CNTN3: variants seen among roughly 807,000 people sequenced by gnomAD.
CNTN3 encodes contactin-3.
CNTN3 carries 60 observed loss-of-function variants against 119.1 expected under a neutral mutation model. The observed-to-expected ratio is 0.50, with a 90% CI of 0.41 to 0.62. The LOEUF is 0.62. Among genes scored for constraint, CNTN3 ranks in the 20% least tolerant of loss-of-function variants. CNTN3 has a pLI of 0.00. For synonymous variants in CNTN3, 450 were observed against 438.7 expected, an observed-to-expected ratio of 1.03 and a Z score of -0.32; for missense variants, 1,101 against 1,242.4, an observed-to-expected ratio of 0.89 and a Z score of 1.71.
chr3:74,288,029 C>G (rs958241047), intron 19 of CNTN3, among the ~76,000 whole-genome samples: 9 of 152,098 alleles, frequency 5.9e-5, no homozygotes, highest in Admixed American at 2.0e-4. Context: ...TCAACTTGTG[C>G]TACAGTGAAT....
At chr3:74,315,034 T>C (rs1227473891) in intron 13 of CNTN3, among the ~76,000 whole-genome samples, 3 of 152,188 alleles carry the variant, frequency 2.0e-5, no homozygotes, top group Non-Finnish European at 4.4e-5. Context: ...AGCTGAAACC[T>C]ATCAAAATCA....
At chr3:74,471,154 A>G (rs1007168897) in intron 4 of CNTN3, among the ~76,000 whole-genome samples, 2 of 152,150 alleles carry the variant, frequency 1.3e-5, no homozygotes, top group African/African-American at 4.8e-5. Flanking sequence ...CTGGGATTAC[A>G]TGGACACAGG....
intron 3 of CNTN3, among the ~76,000 whole-genome samples, chr3:74,494,112 C>T (rs1042039496): frequency 6.6e-6 from 1 of 152,048 alleles, no homozygotes; most frequent in African/African-American, 2.4e-5. Context: ...CTTAGCTTTT[C>T]CTGGTAGCAG....
intron 5 of CNTN3, among the ~76,000 whole-genome samples, chr3:74,410,360 G>A (rs969268045): frequency 6.6e-6 from 1 of 152,088 alleles, no homozygotes; most frequent in African/African-American, 2.4e-5. Context: ...AGAGCCACAG[G>A]AAAAACAAAA....
intron 14 of CNTN3, 88 bp from the exon 15 acceptor site, chr3:74,301,893 C>T: frequency 1.4e-6 from 2 of 1,405,654 alleles, no homozygotes; most frequent in South Asian, 1.3e-5. Context: ...CACATGACCA[C>T]TTCAATATCT....
In CNTN3 at chr3:74,389,284, A is replaced by C. The variant is rs962279679; in HGVS notation, c.455-17885T>G. ...AAGTCATTTTAACACATTGCTCAAT[A>C]GGTAAGAGCTTTCTAGTTACATAAG... On this transcript the variant is annotated intron_variant, in intron 5 of 22. Coordinates refer to ENST00000263665, the MANE Select transcript of CNTN3 (RefSeq NM_020872.3). 2.6e-5 allele frequency among the ~76,000 whole-genome samples: 4 copies of C among 152,310 alleles called. 1 individual carries two copies. Among genetic ancestry groups the C allele is most frequent in the African/African-American group, 9.6e-5 (4 of 41,564 alleles).
intron 5 of CNTN3, among the ~76,000 whole-genome samples, chr3:74,400,639 C>T (rs1705166926): frequency 6.6e-6 from 1 of 152,082 alleles, no homozygotes; most frequent in South Asian, 2.1e-4. Context: ...TGACAAAGCC[C>T]TTTCTAGTTG....
chr3:74,508,243 G>C (rs1166863290), intron 2 of CNTN3, among the ~76,000 whole-genome samples: 1 of 152,098 alleles, frequency 6.6e-6, no homozygotes, highest in Non-Finnish European at 1.5e-5. Flanking sequence ...TCTCCTTCCT[G>C]ACACCGTGTG....
intron 5 of CNTN3, among the ~76,000 whole-genome samples, chr3:74,395,922 T>G (rs537448636): frequency 5.9e-5 from 9 of 152,220 alleles, no homozygotes; most frequent in Non-Finnish European, 8.8e-5. Context: ...TCTGTCATGA[T>G]AATCTGTTAT....
chr3:74,381,153 T>A (rs915320282), intron 5 of CNTN3, among the ~76,000 whole-genome samples: 4 of 150,042 alleles, frequency 2.7e-5, no homozygotes, highest in African/African-American at 9.8e-5. Flanking sequence ...TAGTAGCACA[T>A]CAAACTATTC....
intron 4 of CNTN3, among the ~76,000 whole-genome samples, chr3:74,464,188 T>C (rs1046442592): frequency 2.0e-5 from 3 of 152,164 alleles, no homozygotes; most frequent in African/African-American, 4.8e-5. Flanking sequence ...GATAACTATA[T>C]AAAAGCTTTC....
At chr3:74,454,369 TC>T (rs1437741419) in intron 4 of CNTN3, among the ~76,000 whole-genome samples, 1 of 146,798 alleles carries the variant, frequency 6.8e-6, no homozygotes, top group Non-Finnish European at 1.5e-5. Context: ...GCTTGGTAGA[TC>T]TTCCTCCATC....
chr3:74,313,445 A>G (rs1333552801), intron 13 of CNTN3, among the ~76,000 whole-genome samples: 1 of 151,782 alleles, frequency 6.6e-6, no homozygotes, highest in Non-Finnish European at 1.5e-5. Flanking sequence ...TGAAAGATTA[A>G]AAAAAAAATT....
chr3:74,266,660 T>C lies in CNTN3; in HGVS notation c.2818-11A>G. ...AGTCCTATAGAAAACCTAAAATGCA[T>C]GAACAAATACACTTACTTGTTATAT... On this transcript the variant is annotated splice_polypyrimidine_tract_variant and intron_variant, in intron 21 of 22. Transcript: ENST00000263665. 2 of 1,611,748 alleles carry C rather than the reference T, an allele frequency of 1.2e-6. No homozygotes were observed. The highest frequency in any genetic ancestry group is 1.7e-6 in the Non-Finnish European group (2 of 1,178,348).
chr3:74,294,568 A>T (rs1702297702), intron 19 of CNTN3, among the ~76,000 whole-genome samples: 2 of 152,128 alleles, frequency 1.3e-5, no homozygotes, highest in Admixed American at 6.5e-5. Flanking sequence ...ATCCTTCTTG[A>T]CAACACAAAC....
rs1281513512 is a variant in CNTN3, at chr3:74,263,906, T to C, written c.*495A>G. ...GTAGCATTTTCCAACAATGCTCTTT[T>C]GAATCACATGCCACTCCTCTCCAAC... On this transcript the variant is annotated 3_prime_UTR_variant, in exon 23 of 23. Coordinates refer to ENST00000263665, the MANE Select transcript of CNTN3 (RefSeq NM_020872.3). 6.6e-6 allele frequency: 1 copy of C among 152,146 alleles called. No individual in the cohort carries two copies. The highest frequency in any genetic ancestry group is 1.5e-5 in the Non-Finnish European group (1 of 68,022). 9.4% of individuals were successfully genotyped at this position (152,146 alleles called of 1,614,324 possible).
At chr3:74,398,561 G>A (rs2106844279) in intron 5 of CNTN3, among the ~76,000 whole-genome samples, 1 of 152,308 alleles carries the variant, frequency 6.6e-6, no homozygotes, top group South Asian at 2.1e-4. Context: ...TTATTGAGGT[G>A]GTGTAGATGG....
At chr3:74,471,694 T>C (rs555983410) in intron 4 of CNTN3, among the ~76,000 whole-genome samples, 1 of 152,294 alleles carries the variant, frequency 6.6e-6, no homozygotes, top group Admixed American at 6.5e-5. Flanking sequence ...CTGAAATACA[T>C]GTGATTCAAG....
At chr3:74,393,638 T>C (rs1704970549) in intron 5 of CNTN3, among the ~76,000 whole-genome samples, 1 of 152,156 alleles carries the variant, frequency 6.6e-6, no homozygotes, top group South Asian at 2.1e-4. Context: ...GGACTGAGGC[T>C]GCCAGGTAGA....
Sources: gnomAD v4.1 joint callset for allele counts (sites outside exome capture counted in the v4.1 genomes callset) on GRCh38, gnomAD v4.1.1 for gene constraint, MANE v1.5 for transcripts, NCBI Gene and HGNC (gene_info 2026-07-23, HGNC 2026-07-21) for gene names.